MKLN1: variants seen among roughly 807,000 people sequenced by gnomAD.
MKLN1 encodes muskelin 1.
Under a neutral mutation model 99.0 loss-of-function variants are expected in MKLN1, and 18 were observed. The ratio of observed to expected loss-of-function variants is 0.18; its 90% CI spans 0.13 to 0.27. The LOEUF is 0.27. Among genes scored for constraint, MKLN1 ranks in the 10% least tolerant of loss-of-function variants. The pLI is 1.00. For synonymous variants in MKLN1, 288 were observed against 293.2 expected, an observed-to-expected ratio of 0.98 and a Z score of 0.18; for missense variants, 621 against 875.9, an observed-to-expected ratio of 0.71 and a Z score of 3.67.
chr7:131,218,799 G>A (rs1381884623), intron 3 of MKLN1, among the ~76,000 whole-genome samples: 1 of 151,924 alleles, frequency 6.6e-6, no homozygotes, highest in African/African-American at 2.4e-5. Context: ...CCCGACCCCC[G>A]ACCTCTACCA....
intron 2 of MKLN1, among the ~76,000 whole-genome samples, chr7:131,168,513 C>T (rs1032801542): frequency 6.6e-6 from 1 of 152,200 alleles, no homozygotes; most frequent in Non-Finnish European, 1.5e-5. Flanking sequence ...CTAGCTACCC[C>T]TGTCCCCACT....
At position 131,361,299 on chromosome 7, in the gene MKLN1, T is replaced by C. The variant is rs1800021470; in HGVS notation, c.99-14125T>C. On this transcript the variant is annotated intron_variant, in intron 1 of 17. Coordinates refer to ENST00000352689, the MANE Select transcript of MKLN1 (RefSeq NM_013255.5). ...ATAGCTTTTTTATTTTAAAAAATAGTTTTTGGATATTGTTTCTTTTTTTTC... is the reference window on the plus strand; with the variant it reads ...ATAGCTTTTTTATTTTAAAAAATAGCTTTTGGATATTGTTTCTTTTTTTTC... Among the ~76,000 whole-genome samples, 4 of 151,872 alleles carry C rather than the reference T, an allele frequency of 2.6e-5. 1 individual carries two copies. Among genetic ancestry groups the C allele is most frequent in the Admixed American group, 2.6e-4 (4 of 15,248 alleles).
At chr7:131,463,919 T>A (rs1306138960) in intron 13 of MKLN1, among the ~76,000 whole-genome samples, 1 of 152,218 alleles carries the variant, frequency 6.6e-6, no homozygotes, top group Non-Finnish European at 1.5e-5. Flanking sequence ...GCTCTGCAGC[T>A]AAGGAATTTA....
At chr7:131,171,065 C>G (rs1404524214) in intron 2 of MKLN1, among the ~76,000 whole-genome samples, 4 of 152,144 alleles carry the variant, frequency 2.6e-5, no homozygotes, top group African/African-American at 9.7e-5. Context: ...AAAAGTTAAA[C>G]AACCCGACAT....
At chr7:131,354,831 C>G (rs534130639) in intron 1 of MKLN1, among the ~76,000 whole-genome samples, 3 of 152,260 alleles carry the variant, frequency 2.0e-5, no homozygotes, top group Non-Finnish European at 2.9e-5. Context: ...TTATATCTAT[C>G]GAAACATTTA....
At chr7:131,362,703 T>TA (rs1464024455) in intron 1 of MKLN1, among the ~76,000 whole-genome samples, 1 of 152,070 alleles carries the variant, frequency 6.6e-6, no homozygotes. Flanking sequence ...TCTTTTCCCT[T>TA]ACTGGGCTAT....
chr7:131,372,974 T>C (rs1793514210), intron 1 of MKLN1, among the ~76,000 whole-genome samples: 1 of 152,000 alleles, frequency 6.6e-6, no homozygotes, highest in Non-Finnish European at 1.5e-5. Context: ...TTTCTTAAAT[T>C]TGTATACTTC....
At chr7:131,275,563 ATATATTTTTTTTTT>A (rs1797956903) in intron 3 of MKLN1, among the ~76,000 whole-genome samples, 1 of 9,060 alleles carries the variant, frequency 1.1e-4, no homozygotes, top group African/African-American at 5.1e-4. Context: ...ATATATATAT[ATATATTTTTTTTTT>A]TTTTTTTTTT....
intron 3 of MKLN1, among the ~76,000 whole-genome samples, chr7:131,265,005 A>AT (rs1325579248): frequency 1.3e-5 from 2 of 151,958 alleles, no homozygotes; most frequent in Non-Finnish European, 2.9e-5. Flanking sequence ...TGTCTGGCTA[A>AT]TTTTTTTGTA....
At chr7:131,372,875 T>G (rs1459953821) in intron 1 of MKLN1, among the ~76,000 whole-genome samples, 1 of 151,888 alleles carries the variant, frequency 6.6e-6, no homozygotes, top group African/African-American at 2.4e-5. Flanking sequence ...ATCTTTTCTT[T>G]TTCTTTTTCT....
chr7:131,207,533 G>T (rs1326343728), intron 3 of MKLN1, among the ~76,000 whole-genome samples: 1 of 152,180 alleles, frequency 6.6e-6, no homozygotes, highest in Non-Finnish European at 1.5e-5. Context: ...TGAGGATGTT[G>T]CCAAACAGGC....
At chr7:131,472,947 CAAAAAAAAAAAA>C (rs34420594) in intron 16 of MKLN1, among the ~76,000 whole-genome samples, 1 of 81,150 alleles carries the variant, frequency 1.2e-5, no homozygotes, top group African/African-American at 4.7e-5. Context: ...GATTCCATCT[CAAAAAAAAAAAA>C]AAAAAAGAAA....
chr7:131,408,592 C>T (rs1794778257), intron 6 of MKLN1, among the ~76,000 whole-genome samples: 1 of 152,062 alleles, frequency 6.6e-6, no homozygotes, highest in Non-Finnish European at 1.5e-5. Context: ...TTGGTGAAAG[C>T]TTCCTAAATC....
At chr7:131,467,024 C>T (rs13237249) in intron 15 of MKLN1, among the ~76,000 whole-genome samples, 51,148 of 152,052 alleles carry the variant, frequency 0.34, 9,154 homozygotes, top group East Asian at 0.48. Context: ...GGATTTCTCT[C>T]CTTTTGGTTA....
chr7:131,392,421 G>T (rs990502229), intron 4 of MKLN1, among the ~76,000 whole-genome samples: 6 of 152,034 alleles, frequency 3.9e-5, no homozygotes, highest in Non-Finnish European at 5.9e-5. Context: ...CATTTTAGAA[G>T]TATACTATTA....
At chr7:131,459,867 C>T (rs576979022) in intron 12 of MKLN1, among the ~76,000 whole-genome samples, 5 of 152,044 alleles carry the variant, frequency 3.3e-5, no homozygotes, top group African/African-American at 1.2e-4. Flanking sequence ...TACATTATTT[C>T]TTCTTTCCTT....
chr7:131,125,343 A>C (rs190173245), intron 1 of MKLN1, among the ~76,000 whole-genome samples: 1 of 152,358 alleles, frequency 6.6e-6, no homozygotes, highest in African/African-American at 2.4e-5. Flanking sequence ...GCAAAGTAGA[A>C]GTGACAAACA....
chr7:131,331,163 C>A (rs1221603537), intron 1 of MKLN1, among the ~76,000 whole-genome samples: 1 of 152,078 alleles, frequency 6.6e-6, no homozygotes, highest in Non-Finnish European at 1.5e-5. Flanking sequence ...ATTCTTGGTA[C>A]ATACCTGTAA....
At chr7:131,232,164 T>C (rs1258377734) in intron 3 of MKLN1, among the ~76,000 whole-genome samples, 5 of 152,180 alleles carry the variant, frequency 3.3e-5, no homozygotes, top group African/African-American at 1.2e-4. Context: ...TAAAAACACG[T>C]TCTGAAATTG....
Sources: allele counts gnomAD v4.1 joint callset (sites outside exome capture counted in the v4.1 genomes callset), GRCh38; gene constraint gnomAD v4.1.1; transcripts MANE v1.5; gene names NCBI Gene and HGNC (gene_info 2026-07-23, HGNC 2026-07-21).